COL22A1: variants seen among roughly 807,000 people sequenced by gnomAD.
COL22A1 encodes collagen type XXII alpha 1 chain.
In COL22A1, 221 loss-of-function variants were observed where a neutral mutation model predicts 248.9. That is an observed-to-expected ratio of 0.89 (90% CI 0.80 to 0.99). The LOEUF (loss-of-function observed/expected upper bound fraction) is 0.99. COL22A1 is among the 50% of genes least tolerant of loss of function. The pLI is 0.00. For synonymous variants in COL22A1, 891 were observed against 793.4 expected (o/e 1.12, Z -2.07); for missense variants, 2,240 against 2,179.0 (o/e 1.03, Z -0.56).
intron 49 of COL22A1, among the ~76,000 whole-genome samples, chr8:138,634,270 T>C (rs1405234299): frequency 2.0e-5 from 3 of 152,144 alleles, no homozygotes; most frequent in Admixed American, 1.3e-4. Context: ...GTATTTCCTA[T>C]TTGAAGGGGG....
chr8:138,734,381 T>TA (rs963819457), intron 23 of COL22A1, among the ~76,000 whole-genome samples: 1 of 152,274 alleles, frequency 6.6e-6, no homozygotes, highest in African/African-American at 2.4e-5. Context: ...GCGTACTTAA[T>TA]AAAAAACTGT....
chr8:138,603,858 G>A (rs546920353), intron 59 of COL22A1, among the ~76,000 whole-genome samples: 1 of 152,154 alleles, frequency 6.6e-6, no homozygotes, highest in Non-Finnish European at 1.5e-5. Context: ...CCTCATTCAA[G>A]GGGGAGAATG....
At chr8:138,638,174 A>C (rs996969019) in intron 47 of COL22A1, among the ~76,000 whole-genome samples, 2 of 152,206 alleles carry the variant, frequency 1.3e-5, no homozygotes, top group African/African-American at 4.8e-5. Flanking sequence ...CAAATTCTTT[A>C]ACTATTATCT....
At chr8:138,904,886 C>G (rs186393285) in intron 1 of COL22A1, among the ~76,000 whole-genome samples, 1 of 152,128 alleles carries the variant, frequency 6.6e-6, no homozygotes, top group African/African-American at 2.4e-5. Flanking sequence ...GACAGCACAG[C>G]GGGAGGGCCA....
Position 138,715,750 on chromosome 8 carries a change from A to T in COL22A1, c.2464-15T>A. Reference sequence around the variant, plus strand: ...CCTTTTTCTCCCTATAATAAAAGATAAAATTAGAAAACATTAGAACCCAAA... The same window carrying T: ...CCTTTTTCTCCCTATAATAAAAGATTAAATTAGAAAACATTAGAACCCAAA... On this transcript the variant is annotated splice_polypyrimidine_tract_variant and intron_variant, in intron 29 of 64. Coordinates refer to ENST00000303045, the MANE Select transcript of COL22A1 (RefSeq NM_152888.3). 1 of 1,595,954 alleles carries T rather than the reference A, an allele frequency of 6.3e-7. No homozygotes were observed. The highest frequency in any genetic ancestry group is 8.6e-7 in the Non-Finnish European group (1 of 1,166,646).
intron 2 of COL22A1, among the ~76,000 whole-genome samples, chr8:138,880,977 G>C (rs896695685): frequency 1.3e-5 from 2 of 152,242 alleles, no homozygotes; most frequent in African/African-American, 2.4e-5. Flanking sequence ...TTGTGTGCCC[G>C]TGAGGCTGGA....
chr8:138,593,133 G>A (rs763989955), intron 63 of COL22A1, among the ~76,000 whole-genome samples: 12 of 152,154 alleles, frequency 7.9e-5, no homozygotes, highest in Admixed American at 3.9e-4. Context: ...AGCCAAACAC[G>A]GCATGTTCTC....
chr8:138,802,931 C>T lies in COL22A1; in HGVS notation c.1498G>A (p.Asp500Asn). 3.7e-6 allele frequency: 6 copies of T among 1,613,506 alleles called. No individual in the cohort carries two copies. The highest frequency in any genetic ancestry group is 1.1e-5 in the South Asian group (1 of 91,070). Residue 500 changes from aspartate (D) to asparagine (N), a missense_variant, in exon 11 of 65, where the codon GAC becomes AAC. Coordinates refer to ENST00000303045, the MANE Select transcript of COL22A1 (RefSeq NM_152888.3). ...CCAACCGGCCCAATGGCTCCTATGT[C>T]TCCCTGAGGGGTTGAGACCAGAGAC... Reference protein sequence around the residue: ...GPMGLPGPKGDIGAIGPVGAP... With the variant: ...GPMGLPGPKGNIGAIGPVGAP...
At chr8:138,648,253 T>C (rs765221840) in intron 46 of COL22A1, among the ~76,000 whole-genome samples, 1 of 151,904 alleles carries the variant, frequency 6.6e-6, no homozygotes, top group Non-Finnish European at 1.5e-5. Flanking sequence ...CGCCCACGAG[T>C]GTATGGAGAA....
Position 138,753,665 on chromosome 8 carries a change from T to C in COL22A1, c.2031+1492A>G, listed in dbSNP as rs550755259. On this transcript the variant is annotated intron_variant, in intron 21 of 64. Transcript: ENST00000303045. ...TAGCTGCTTCTTCAGACTCTGAGGG[T>C]GCCTCATGTGTTATTTCATCCCTAT... Among the ~76,000 whole-genome samples, 3 of 152,346 alleles carry C rather than the reference T, an allele frequency of 2.0e-5. No homozygotes were observed. In the South Asian group the frequency reaches 6.2e-4, roughly 32 times the overall value.
At chr8:138,774,883 C>T (rs1407842249) in intron 16 of COL22A1, among the ~76,000 whole-genome samples, 1 of 152,170 alleles carries the variant, frequency 6.6e-6, no homozygotes, top group Non-Finnish European at 1.5e-5. Context: ...CATGTCGGAA[C>T]AGCAAACAGG....
chr8:138,649,859 T>C (rs934617355), intron 45 of COL22A1, 81 bp from the exon 46 acceptor site: 18 of 823,830 alleles, frequency 2.2e-5, no homozygotes, highest in Non-Finnish European at 5.6e-6. Context: ...TAGCCCTGGC[T>C]GCTATCTCTC....
chr8:138,670,960 CAAAAAAAAAAAA>C (rs60845059), intron 41 of COL22A1, among the ~76,000 whole-genome samples: 4 of 55,394 alleles, frequency 7.2e-5, no homozygotes, highest in Admixed American at 2.8e-4. Flanking sequence ...GACCTTGTCT[CAAAAAAAAAAAA>C]AAAAAAAAAA....
chr8:138,755,293 G>T, intron 20 of COL22A1, 83 bp from the exon 21 acceptor site: 2 of 1,437,992 alleles, frequency 1.4e-6, no homozygotes, highest in South Asian at 1.2e-5. Flanking sequence ...GCCCTCTCCT[G>T]ACTCAAAGTT....
In COL22A1 at chr8:138,655,914, T is replaced by C. The variant is rs770257697; in HGVS notation, c.3316A>G (p.Ile1106Val). The C allele has an allele frequency of 6.8e-6, 11 of 1,612,774 alleles. No homozygotes were observed. Among genetic ancestry groups the C allele is most frequent in the Non-Finnish European group, 9.3e-6 (11 of 1,178,924 alleles). ...GLSSLLSPGD[I>V]NLLAKDVCND... is the part of the protein sequence containing the mutation. ...GCTTTTACCTTAGCCAAGAGATTTA[T>C]GTCCCCTGGAGACAGTAGTGAAGAG... Residue 1106 changes from isoleucine to valine, a missense_variant, in exon 45 of 65, where the codon ATA (isoleucine) becomes GTA (valine). Ile to Val is a conservative substitution (Grantham distance 29, BLOSUM62 3). Transcript: ENST00000303045.
chr8:138,779,584 A>C (rs761072314), intron 13 of COL22A1, 22 bp from the exon 14 acceptor site: 14 of 1,588,856 alleles, frequency 8.8e-6, no homozygotes, highest in Non-Finnish European at 1.2e-5. Context: ...AAACAACACA[A>C]AGTCATAGGC....
intron 12 of COL22A1, among the ~76,000 whole-genome samples, chr8:138,789,007 C>T (rs1457151164): frequency 6.6e-6 from 1 of 152,214 alleles, no homozygotes; most frequent in Non-Finnish European, 1.5e-5. Context: ...GCACCCTGAG[C>T]TTCCCCTGCC....
At chr8:138,754,129 CAAGAA>C (rs1832810886) in intron 21 of COL22A1, among the ~76,000 whole-genome samples, 1 of 152,152 alleles carries the variant, frequency 6.6e-6, no homozygotes, top group Admixed American at 6.5e-5. Flanking sequence ...TATATTTGCA[CAAGAA>C]AACATATATA....
intron 10 of COL22A1, among the ~76,000 whole-genome samples, chr8:138,806,319 T>C (rs1305075270): frequency 1.3e-5 from 2 of 150,678 alleles, no homozygotes; most frequent in South Asian, 2.1e-4. Flanking sequence ...TTATGGGGTG[T>C]GTGTGTGTGT....
Sources: gnomAD v4.1 joint callset for allele counts (sites outside exome capture counted in the v4.1 genomes callset) on GRCh38, gnomAD v4.1.1 for gene constraint, MANE v1.5 for transcripts, NCBI Gene and HGNC (gene_info 2026-07-23, HGNC 2026-07-21) for gene names.